The following ADAMTSL1 variants were observed in gnomAD, a reference collection of about 807,000 sequenced individuals.
ADAMTSL1 encodes the protein ADAMTS-like protein 1.
A neutral mutation model predicts 201.8 loss-of-function variants in ADAMTSL1; 126 were observed. That is an observed-to-expected ratio of 0.62 (90% CI 0.54 to 0.72). The LOEUF is 0.72. ADAMTSL1 is among the 30% of genes least tolerant of loss of function. The pLI, the probability that ADAMTSL1 is intolerant of heterozygous loss-of-function variation, is 0.00. For missense variants in ADAMTSL1, 2,679 were observed against 2,277.8 expected, an observed-to-expected ratio of 1.18 and a Z score of -3.59; for synonymous variants, 1,121 against 903.4, an observed-to-expected ratio of 1.24 and a Z score of -4.32.
At chr9:18,840,203 A>G (rs1302732611) in intron 23 of ADAMTSL1, among the ~76,000 whole-genome samples, 6 of 151,460 alleles carry the variant, frequency 4.0e-5, no homozygotes, top group South Asian at 2.1e-4. Flanking sequence ...ATCTTGAATT[A>G]ATTTTTGTAT....
intron 2 of ADAMTSL1, among the ~76,000 whole-genome samples, chr9:18,319,974 C>G (rs1202318055): frequency 1.3e-5 from 2 of 152,112 alleles, no homozygotes; most frequent in African/African-American, 2.4e-5. Context: ...ACTTGAAACA[C>G]TGTTTCTAGC....
chr9:18,473,978 C>T, upstream of ADAMTSL1: 2 of 455,038 alleles, frequency 4.4e-6, no homozygotes, highest in Non-Finnish European at 7.8e-6. Flanking sequence ...CTTTCTCTGT[C>T]CTCCTGGCTT....
intron 1 of ADAMTSL1, among the ~76,000 whole-genome samples, chr9:17,956,778 C>T (rs1033318483): frequency 9.9e-5 from 15 of 152,156 alleles, no homozygotes; most frequent in African/African-American, 3.4e-4. Flanking sequence ...TAATCTGACT[C>T]AGATGTATAA....
chr9:18,219,427 G>A (rs926018896), intron 2 of ADAMTSL1, among the ~76,000 whole-genome samples: 1 of 151,664 alleles, frequency 6.6e-6, no homozygotes, highest in African/African-American at 2.4e-5. Context: ...GAAGTGCAGT[G>A]GCACAACCTC....
At chr9:18,088,871 A>G (rs1419073868) in intron 1 of ADAMTSL1, among the ~76,000 whole-genome samples, 2 of 152,186 alleles carry the variant, frequency 1.3e-5, no homozygotes, top group Non-Finnish European at 2.9e-5. Flanking sequence ...TGATCTAACA[A>G]TCCTACTTCT....
At chr9:18,559,864 C>G (rs528875253) in intron 3 of ADAMTSL1, among the ~76,000 whole-genome samples, 1 of 152,208 alleles carries the variant, frequency 6.6e-6, no homozygotes, top group African/African-American at 2.4e-5. Context: ...ATTTTGTATC[C>G]TGAGACTTTG....
intron 1 of ADAMTSL1, among the ~76,000 whole-genome samples, chr9:18,088,106 T>C (rs1035752413): frequency 3.3e-5 from 5 of 151,968 alleles, no homozygotes; most frequent in East Asian, 1.9e-4. Context: ...ACATACAGGG[T>C]CAACTGATCT....
intron 4 of ADAMTSL1, among the ~76,000 whole-genome samples, chr9:18,582,910 A>AAATAAAATAAAATAAAATAAAATAG (rs1564067355): frequency 4.6e-5 from 7 of 152,056 alleles, no homozygotes; most frequent in African/African-American, 1.7e-4. Flanking sequence ...AAATAAAATA[A>AAATAAAATAAAATAAAATAAAATAG]AAAGGGGAGT....
At chr9:18,437,349 C>T (rs16936703) in intron 2 of ADAMTSL1, among the ~76,000 whole-genome samples, 10 of 152,172 alleles carry the variant, frequency 6.6e-5, no homozygotes, top group African/African-American at 2.4e-4. Context: ...TTGCTCCATC[C>T]CCAGTGCTGC....
intron 1 of ADAMTSL1, among the ~76,000 whole-genome samples, chr9:18,113,672 T>C (rs184982243): frequency 9.9e-5 from 15 of 152,268 alleles, no homozygotes; most frequent in African/African-American, 3.6e-4. Context: ...GTTGACACCA[T>C]GGGAGTTAAT....
At chr9:18,081,707 A>T (rs1300506538) in intron 1 of ADAMTSL1, among the ~76,000 whole-genome samples, 1 of 152,244 alleles carries the variant, frequency 6.6e-6, no homozygotes. Context: ...CTCCCAAACC[A>T]AGGAACAAAA....
chr9:17,943,592 G>A (rs1827331528), intron 1 of ADAMTSL1, among the ~76,000 whole-genome samples: 1 of 152,070 alleles, frequency 6.6e-6, no homozygotes, highest in Non-Finnish European at 1.5e-5. Context: ...TAGCTTATGA[G>A]CTATGAATTT....
At chr9:18,707,406 T>C (rs1277867229) in intron 14 of ADAMTSL1, among the ~76,000 whole-genome samples, 1 of 152,226 alleles carries the variant, frequency 6.6e-6, no homozygotes, top group Admixed American at 6.5e-5. Flanking sequence ...CCTCAGTGCA[T>C]GCAATGTGAA....
At chr9:18,754,953 A>C (rs1198219894) in intron 16 of ADAMTSL1, among the ~76,000 whole-genome samples, 1 of 152,190 alleles carries the variant, frequency 6.6e-6, no homozygotes, top group Non-Finnish European at 1.5e-5. Context: ...ACAACAATTC[A>C]GTTAAAATAA....
At chr9:18,681,697 TGGG>T in intron 11 of ADAMTSL1, 112 bp from the exon 12 acceptor site, 4 of 238,048 alleles carry the variant, frequency 1.7e-5, no homozygotes, top group Admixed American at 7.4e-5. Flanking sequence ...AGTCCTCGTG[TGGG>T]GGGGGGGGGC....
intron 20 of ADAMTSL1, among the ~76,000 whole-genome samples, chr9:18,798,235 G>C: frequency 6.6e-6 from 1 of 152,140 alleles, no homozygotes. Flanking sequence ...ACAAAAGCAG[G>C]CATAGCATGG....
chr9:18,224,920 A>AT (rs1830390097), intron 2 of ADAMTSL1, among the ~76,000 whole-genome samples: 1 of 151,798 alleles, frequency 6.6e-6, no homozygotes. Context: ...TGTTTTGTTA[A>AT]TTTTTTCCCA....
chr9:18,366,895 G>A (rs745743950), intron 2 of ADAMTSL1, among the ~76,000 whole-genome samples: 6 of 151,886 alleles, frequency 4.0e-5, no homozygotes, highest in East Asian at 1.9e-4. Flanking sequence ...GGCATGAGCC[G>A]CCACATGCAG....
chr9:18,793,009 T>C (rs922592727), intron 19 of ADAMTSL1, among the ~76,000 whole-genome samples: 3 of 152,252 alleles, frequency 2.0e-5, no homozygotes, highest in African/African-American at 7.2e-5. Flanking sequence ...GGATGAGCTA[T>C]ATCACAAGCT....
Sources: allele counts gnomAD v4.1 joint callset (sites outside exome capture counted in the v4.1 genomes callset), GRCh38; gene constraint gnomAD v4.1.1; transcripts MANE v1.5; gene names NCBI Gene and HGNC (gene_info 2026-07-23, HGNC 2026-07-21).